SDHA: variants seen among roughly 807,000 people sequenced by gnomAD.
SDHA encodes the protein succinate dehydrogenase complex flavoprotein subunit A.
A neutral mutation model predicts 78.4 loss-of-function variants in SDHA; 48 were observed. The observed-to-expected ratio is 0.61, with a 90% CI of 0.49 to 0.78. The LOEUF is 0.78. Ranked by LOEUF, SDHA falls within the 30% of genes least tolerant of loss-of-function variation. SDHA has a pLI of 0.00. For synonymous variants in SDHA, 326 were observed against 353.9 expected, an observed-to-expected ratio of 0.92 and a Z score of 0.88; for missense variants, 680 against 892.7, an observed-to-expected ratio of 0.76 and a Z score of 3.04.
downstream of SDHA, among the ~76,000 whole-genome samples, chr5:259,035 C>T (rs62344347): frequency 1.0e-4 from 5 of 49,048 alleles, no homozygotes; most frequent in Non-Finnish European, 1.6e-4. Flanking sequence ...AGAGCATTAC[C>T]GTGTGAGCTC....
Position 226,434 on chromosome 5 carries a change from C to A in SDHA, c.621+387C>A, listed in dbSNP as rs147128717. On this transcript the variant is annotated intron_variant, in intron 5 of 14. Transcript: ENST00000264932. ...ATCACTTGAGACCAGAAGTTTGAGA[C>A]CAGCCTGGACAACATAGCAAGACCC... 3.6e-3 allele frequency among the ~76,000 whole-genome samples: 544 copies of A among 152,098 alleles called. 4 individuals are homozygous for A. The highest frequency in any genetic ancestry group is 3.5e-3 in the Non-Finnish European group (236 of 67,996).
At chr5:235,456 C>A in intron 9 of SDHA, 117 bp downstream of exon 9, 2 of 1,038,316 alleles carry the variant, frequency 1.9e-6, no homozygotes, top group Non-Finnish European at 3.0e-6. Flanking sequence ...CAAGAAAGTA[C>A]TGTATTGTTT....
intron 5 of SDHA, among the ~76,000 whole-genome samples, chr5:226,582 T>G (rs573272109): frequency 6.6e-6 from 1 of 152,134 alleles, no homozygotes; most frequent in South Asian, 2.1e-4. Context: ...CAGTGAGCCA[T>G]GTTCGTACCA....
chr5:243,260 G>T (rs1165825649), intron 11 of SDHA, among the ~76,000 whole-genome samples: 2 of 152,152 alleles, frequency 1.3e-5, no homozygotes, highest in Admixed American at 6.5e-5. Context: ...AATCAGTATG[G>T]ACCAGGTTCT....
chr5:243,913 G>C (rs1736287548), intron 11 of SDHA, among the ~76,000 whole-genome samples: 1 of 152,154 alleles, frequency 6.6e-6, no homozygotes, highest in Non-Finnish European at 1.5e-5. Flanking sequence ...TTTTAACTGT[G>C]GGAAGCATGG....
At chr5:228,470 A>G in intron 6 of SDHA, 137 bp downstream of exon 6, 1 of 993,110 alleles carries the variant, frequency 1.0e-6, no homozygotes, top group Non-Finnish European at 1.5e-6. Context: ...TGTGAGGGTG[A>G]TGGCCTTTCC....
chr5:256,473 C>G lies in SDHA; in HGVS notation c.*53C>G. On this transcript the variant is annotated 3_prime_UTR_variant, in exon 15 of 15. Transcript: ENST00000264932. Reference sequence around the variant, plus strand: ...CAGCTTTTGTAATTATGTATAATAGCTCATGCATGTGTCCATGTCATAACT... The same window carrying G: ...CAGCTTTTGTAATTATGTATAATAGGTCATGCATGTGTCCATGTCATAACT... 7.3e-7 allele frequency: 1 copy of G among 1,376,614 alleles called. No individual in the cohort carries two copies. The highest frequency in any genetic ancestry group is 1.7e-5 in the Admixed American group (1 of 59,666). 85.3% of individuals were successfully genotyped at this position (1,376,614 alleles called of 1,614,324 possible).
chr5:222,748 G>A (rs1305822676), intron 1 of SDHA, among the ~76,000 whole-genome samples: 1 of 152,184 alleles, frequency 6.6e-6, no homozygotes, highest in East Asian at 1.9e-4. Flanking sequence ...CTTAGCATAT[G>A]GACAGTGTCA....
intron 11 of SDHA, chr5:250,415 T>C (rs1223023652): frequency 5.6e-6 from 1 of 179,396 alleles, no homozygotes; most frequent in East Asian, 1.4e-4. Flanking sequence ...CTCATCACAG[T>C]AAAACTATGA....
At chr5:255,149 C>T (rs1434009700) in intron 14 of SDHA, among the ~76,000 whole-genome samples, 1 of 150,782 alleles carries the variant, frequency 6.6e-6, no homozygotes, top group Non-Finnish European at 1.5e-5. Context: ...AGGGGGGTCG[C>T]AGCCTTGTTC....
At chr5:248,285 G>A (rs1288656242) in intron 11 of SDHA, among the ~76,000 whole-genome samples, 1 of 152,170 alleles carries the variant, frequency 6.6e-6, no homozygotes, top group East Asian at 1.9e-4. Flanking sequence ...ATGCTGAGGA[G>A]GACCCCAACT....
At chr5:263,190 T>C in the SDHA span, among the ~76,000 whole-genome samples, 1 of 152,190 alleles carries the variant, frequency 6.6e-6, no homozygotes, top group Non-Finnish European at 1.5e-5. Context: ...TCCTCCTGCC[T>C]CAGCCTCCCA....
At chr5:248,791 G>A (rs1736631868) in intron 11 of SDHA, among the ~76,000 whole-genome samples, 2 of 152,298 alleles carry the variant, frequency 1.3e-5, no homozygotes, top group South Asian at 2.1e-4. Flanking sequence ...CTCTCTGTCT[G>A]CGTGCCACGG....
At chr5:225,703 G>A (rs755246495) in intron 4 of SDHA, 141 bp downstream of exon 4, 70 of 1,369,334 alleles carry the variant, frequency 5.1e-5, no homozygotes, top group Admixed American at 9.0e-5. Flanking sequence ...GTCTTTTTCC[G>A]TTATGAACTA....
At chr5:242,107 C>T (rs1736177196) in intron 11 of SDHA, among the ~76,000 whole-genome samples, 1 of 152,110 alleles carries the variant, frequency 6.6e-6, no homozygotes, top group Non-Finnish European at 1.5e-5. Context: ...TTCCTCTGCT[C>T]GTGGAAATGC....
In SDHA at chr5:225,791, G is replaced by C. The variant is rs1005028446; in HGVS notation, c.457-92G>C. 5 of 1,539,358 alleles carry C rather than the reference G, an allele frequency of 3.2e-6. No homozygotes were observed. In the African/African-American group the frequency reaches 6.8e-5, roughly 21 times the overall value. On this transcript the variant is annotated intron_variant, in intron 4 of 14. Transcript: ENST00000264932. ...TAAAATAGGTTACTTTGGGTTTGCA[G>C]ATTTGTGTTAAACTTGTTTAGTGTA... is the stretch of plus-strand genomic sequence containing the variant.
At chr5:242,473 TA>T (rs1345174762) in intron 11 of SDHA, among the ~76,000 whole-genome samples, 2 of 152,224 alleles carry the variant, frequency 1.3e-5, no homozygotes, top group Non-Finnish European at 1.5e-5. Context: ...ATACTTTTAG[TA>T]AATCTTATGA....
intron 4 of SDHA, 40 bp downstream of exon 4, chr5:225,602 T>C (rs1385174820): frequency 5.0e-6 from 8 of 1,613,524 alleles, no homozygotes; most frequent in African/African-American, 2.7e-5. Flanking sequence ...GTGGTCTGTT[T>C]CTAGTACAAA....
At position 225,508 on chromosome 5, in the gene SDHA, G is replaced by A. The variant is rs1218455728; in HGVS notation, c.402G>A (p.Gly134=). ...CCGTGAAGGGCTCCGACTGGCTGGG[G>A]GACCAGGATGCCATCCACTACATGA... The part of the protein sequence containing the change: ...YDTVKGSDWL[G]DQDAIHYMTE... Residue 134 remains glycine, a synonymous_variant, in exon 4 of 15, where the codon GGG becomes GGA. Transcript: ENST00000264932. 6.2e-7 allele frequency: 1 copy of A among 1,613,770 alleles called. No homozygotes were observed. Among genetic ancestry groups the A allele is most frequent in the Non-Finnish European group, 8.5e-7 (1 of 1,179,760 alleles).
Sources: gnomAD v4.1 joint callset for allele counts (sites outside exome capture counted in the v4.1 genomes callset) on GRCh38, gnomAD v4.1.1 for gene constraint, MANE v1.5 for transcripts, NCBI Gene and HGNC (gene_info 2026-07-23, HGNC 2026-07-21) for gene names.